Variants in ANK2 observed in about 807,000 individuals in gnomAD.
ANK2 encodes the protein ankyrin 2.
In ANK2, 83 loss-of-function variants were observed where a neutral mutation model predicts 360.5. That is an observed-to-expected ratio of 0.23 (90% confidence interval 0.19 to 0.28). The LOEUF is 0.28. Among genes scored for constraint, ANK2 ranks in the 10% least tolerant of loss-of-function variants. The probability of loss-of-function intolerance (pLI) is 1.00; values close to 1 mark genes in which losing one functional copy is unlikely to be tolerated. For synonymous variants in ANK2, 1,740 were observed against 1,759.5 expected (o/e 0.99, Z 0.28); for missense variants, 4,201 against 4,795.7 (o/e 0.88, Z 3.66).
intron 2 of ANK2, among the ~76,000 whole-genome samples, chr4:113,015,101 G>T (rs879374316): frequency 2.4e-3 from 364 of 151,628 alleles, no homozygotes; most frequent in Non-Finnish European, 4.2e-3. Flanking sequence ...CTCATGATCC[G>T]CCCGCCTCTG....
chr4:112,974,037 G>A (rs970957804), intron 2 of ANK2, among the ~76,000 whole-genome samples: 1 of 152,224 alleles, frequency 6.6e-6, no homozygotes, highest in Non-Finnish European at 1.5e-5. Flanking sequence ...TGCAGCATCA[G>A]TCAGCTTTTG....
intron 8 of ANK2, among the ~76,000 whole-genome samples, chr4:113,241,825 A>G (rs1167261162): frequency 6.6e-6 from 1 of 152,216 alleles, no homozygotes; most frequent in Non-Finnish European, 1.5e-5. Context: ...CTATTACAGT[A>G]AAGTGGTCCC....
At chr4:112,854,955 G>T (rs575093152) in intron 1 of ANK2, among the ~76,000 whole-genome samples, 83 of 152,236 alleles carry the variant, frequency 5.5e-4, no homozygotes, top group Non-Finnish European at 1.2e-3. Context: ...ACAGAATTAA[G>T]TTGAGGACAT....
intron 1 of ANK2, among the ~76,000 whole-genome samples, chr4:113,058,661 C>G (rs2071419013): frequency 6.6e-6 from 1 of 152,050 alleles, no homozygotes; most frequent in South Asian, 2.1e-4. Context: ...CTCTCTTACT[C>G]CATAGCACTG....
intron 1 of ANK2, among the ~76,000 whole-genome samples, chr4:113,073,597 G>A (rs1171605193): frequency 6.6e-6 from 1 of 152,108 alleles, no homozygotes; most frequent in Non-Finnish European, 1.5e-5. Context: ...TCTACAGTCA[G>A]CTTTTAAAAC....
the ANK2 span, chr4:112,788,693 C>A: frequency 1.9e-6 from 3 of 1,598,688 alleles, no homozygotes; most frequent in Non-Finnish European, 2.5e-6. Flanking sequence ...GCTGCTGCAA[C>A]CTGATATAGC....
At chr4:113,133,723 T>G (rs554639027) in intron 1 of ANK2, among the ~76,000 whole-genome samples, 1 of 152,252 alleles carries the variant, frequency 6.6e-6, no homozygotes, top group African/African-American at 2.4e-5. Flanking sequence ...CCTAAGTACT[T>G]AAGATGCACT....
chr4:112,775,534 C>CACACACACACAG, the ANK2 span, among the ~76,000 whole-genome samples: 1 of 151,502 alleles, frequency 6.6e-6, no homozygotes, highest in Non-Finnish European at 1.5e-5. Context: ...CACACACACA[C>CACACACACACAG]ACACACACAC....
At chr4:113,230,324 C>T (rs1185113454) in intron 4 of ANK2, among the ~76,000 whole-genome samples, 3 of 152,122 alleles carry the variant, frequency 2.0e-5, no homozygotes. Context: ...AATGTTTCCA[C>T]ACTTATACAA....
At chr4:112,751,071 G>A in the ANK2 span, among the ~76,000 whole-genome samples, 1 of 152,094 alleles carries the variant, frequency 6.6e-6, no homozygotes, top group African/African-American at 2.4e-5. Context: ...GAAGGAAGCA[G>A]CCACCTCTCT....
At chr4:112,887,856 G>A (rs2078860729) in intron 1 of ANK2, among the ~76,000 whole-genome samples, 1 of 151,978 alleles carries the variant, frequency 6.6e-6, no homozygotes, top group Admixed American at 6.5e-5. Flanking sequence ...AATATCCCCA[G>A]TATTTTCCAT....
intron 2 of ANK2, among the ~76,000 whole-genome samples, chr4:113,032,086 G>C (rs974237049): frequency 6.6e-6 from 1 of 152,116 alleles, no homozygotes; most frequent in East Asian, 1.9e-4. Flanking sequence ...GAACGCTAAT[G>C]CTATCATAAA....
intron 1 of ANK2, among the ~76,000 whole-genome samples, chr4:113,098,699 C>A (rs900821851): frequency 6.6e-6 from 1 of 151,828 alleles, no homozygotes; most frequent in African/African-American, 2.4e-5. Context: ...CTGGTATAAC[C>A]CTAATTCTAA....
chr4:113,222,404 T>C (rs2153494532), intron 4 of ANK2, among the ~76,000 whole-genome samples: 1 of 151,642 alleles, frequency 6.6e-6, no homozygotes. Flanking sequence ...TTTTTTTTTT[T>C]TTTTTTTTTG....
At chr4:113,257,027 A>AG (rs35609096) in intron 11 of ANK2, among the ~76,000 whole-genome samples, 1 of 152,198 alleles carries the variant, frequency 6.6e-6, no homozygotes, top group African/African-American at 2.4e-5. Flanking sequence ...GCTCATAAAC[A>AG]GGGGAAATGA....
chr4:113,043,181 GC>G (rs1194688230), intron 2 of ANK2, among the ~76,000 whole-genome samples: 3 of 152,124 alleles, frequency 2.0e-5, no homozygotes, highest in African/African-American at 7.2e-5. Context: ...TCTTGCTGAT[GC>G]TGATGGTGTA....
At chr4:113,299,539 T>C (rs1171212504) in intron 22 of ANK2, among the ~76,000 whole-genome samples, 1 of 152,026 alleles carries the variant, frequency 6.6e-6, no homozygotes, top group Non-Finnish European at 1.5e-5. Context: ...GCCCCATCTC[T>C]ACTACAAATA....
At chr4:112,822,829 ATT>A (rs927541879) in intron 1 of ANK2, among the ~76,000 whole-genome samples, 9 of 152,064 alleles carry the variant, frequency 5.9e-5, no homozygotes, top group African/African-American at 2.2e-4. Flanking sequence ...TTTCAGATTA[ATT>A]TTTTCCCTGT....
chr4:113,152,070 AAAAAAAAAG>A, intron 1 of ANK2, among the ~76,000 whole-genome samples: 1 of 43,606 alleles, frequency 2.3e-5, no homozygotes, highest in African/African-American at 1.3e-4. Flanking sequence ...TGTCTCAAAA[AAAAAAAAAG>A]AAAAAAAAAA....
Sources: allele counts gnomAD v4.1 joint callset (sites outside exome capture counted in the v4.1 genomes callset), GRCh38; gene constraint gnomAD v4.1.1; transcripts MANE v1.5; gene names NCBI Gene and HGNC (gene_info 2026-07-23, HGNC 2026-07-21).